The following FRS2 variants were observed in gnomAD, a reference collection of about 807,000 sequenced individuals.
The protein encoded by FRS2 is fibroblast growth factor receptor substrate 2.
FRS2 carries 8 observed loss-of-function variants against 43.9 expected under a neutral mutation model. That is an observed-to-expected ratio of 0.18 (90% CI 0.11 to 0.33). FRS2 has a LOEUF of 0.33. Among genes scored for constraint, FRS2 ranks in the 10% least tolerant of loss-of-function variants. The pLI is 1.00. For synonymous variants in FRS2, 219 were observed against 220.3 expected (o/e 0.99, Z 0.05); for missense variants, 534 against 627.6 (o/e 0.85, Z 1.59).
At chr12:69,527,364 T>A (rs987303862) in intron 1 of FRS2, among the ~76,000 whole-genome samples, 1 of 143,102 alleles carries the variant, frequency 7.0e-6, no homozygotes, top group East Asian at 2.0e-4. Context: ...TTTTTTTTTT[T>A]AAAGAGACAA....
chr12:69,486,956 CAT>C (rs1378873193), intron 1 of FRS2, among the ~76,000 whole-genome samples: 1 of 152,218 alleles, frequency 6.6e-6, no homozygotes, highest in Non-Finnish European at 1.5e-5. Flanking sequence ...ATCTATGTAA[CAT>C]AAAAGTGCAA....
intron 3 of FRS2, among the ~76,000 whole-genome samples, chr12:69,540,608 C>G (rs1877817100): frequency 6.6e-6 from 1 of 152,148 alleles, no homozygotes; most frequent in African/African-American, 2.4e-5. Flanking sequence ...TACAGAAGAA[C>G]TCCAAATAAT....
chr12:69,483,291 C>G (rs906308244), intron 1 of FRS2, among the ~76,000 whole-genome samples: 6 of 152,146 alleles, frequency 3.9e-5, no homozygotes, highest in Non-Finnish European at 7.4e-5. Flanking sequence ...ATACCACAAT[C>G]AAGATACAGA....
chr12:69,505,018 T>G (rs1334109112), intron 1 of FRS2, among the ~76,000 whole-genome samples: 1 of 152,030 alleles, frequency 6.6e-6, no homozygotes, highest in Non-Finnish European at 1.5e-5. Context: ...TGTATTGTAT[T>G]GTACTGTACT....
At position 69,517,929 on chromosome 12, in the gene FRS2, A is replaced by T. The variant is rs192271971; in HGVS notation, c.-260-12936A>T. 6.4e-4 allele frequency among the ~76,000 whole-genome samples: 97 copies of T among 152,278 alleles called. 1 individual carries two copies. Among genetic ancestry groups the T allele is most frequent in the Middle Eastern group, 3.4e-3 (1 of 292 alleles). Reference sequence around the variant, plus strand: ...AAATATGTTGTAATGTGGCAAATTTATAGGGCTTGTCTTTTTTCCTCTTCT... The same window carrying T: ...AAATATGTTGTAATGTGGCAAATTTTTAGGGCTTGTCTTTTTTCCTCTTCT... On this transcript the variant is annotated intron_variant, in intron 1 of 8. Transcript: ENST00000549921.
At chr12:69,482,497 A>T (rs1871434387) in intron 1 of FRS2, among the ~76,000 whole-genome samples, 1 of 152,198 alleles carries the variant, frequency 6.6e-6, no homozygotes, top group Non-Finnish European at 1.5e-5. Flanking sequence ...TTAAAATGTG[A>T]ATTCATCCAT....
chr12:69,527,553 G>C (rs933615188), intron 1 of FRS2, among the ~76,000 whole-genome samples: 1 of 151,752 alleles, frequency 6.6e-6, no homozygotes, highest in African/African-American at 2.4e-5. Context: ...GGGATTTGTC[G>C]TTAATAACTG....
At chr12:69,554,849 CA>C (rs943289965) in intron 3 of FRS2, among the ~76,000 whole-genome samples, 12 of 151,168 alleles carry the variant, frequency 7.9e-5, no homozygotes, top group African/African-American at 2.4e-4. Flanking sequence ...GGATTACAGG[CA>C]TTCGCCACCA....
Position 69,574,493 on chromosome 12 carries a change from G to T in FRS2, c.1065G>T (p.Leu355Phe). ...ALLNYENLPS[L>F]PPVWEARKLS... ...TAAACTATGAAAATCTACCATCTTT[G>T]CCTCCTGTTTGGGAAGCCCGCAAGC... Residue 355 changes from leucine (L) to phenylalanine (F), a missense_variant, in exon 9 of 9, where the codon TTG becomes TTT. Coordinates refer to ENST00000549921, the MANE Select transcript of FRS2 (RefSeq NM_001278356.2). The T allele has an allele frequency of 6.2e-7, 1 of 1,614,030 alleles. No homozygotes were observed. Among genetic ancestry groups the T allele is most frequent in the Non-Finnish European group, 8.5e-7 (1 of 1,179,970 alleles).
intron 3 of FRS2, among the ~76,000 whole-genome samples, chr12:69,546,773 C>G (rs568589466): frequency 1.1e-4 from 16 of 152,146 alleles, no homozygotes; most frequent in South Asian, 4.2e-4. Flanking sequence ...TATGCACTGT[C>G]GGTGAGAATA....
At chr12:69,514,052 CT>C (rs1321014596) in intron 1 of FRS2, among the ~76,000 whole-genome samples, 3 of 149,016 alleles carry the variant, frequency 2.0e-5, no homozygotes, top group Admixed American at 6.7e-5. Flanking sequence ...TGGAAAATTG[CT>C]TTTTTTTTTC....
At chr12:69,495,250 A>G (rs980934942) in intron 1 of FRS2, among the ~76,000 whole-genome samples, 12 of 152,260 alleles carry the variant, frequency 7.9e-5, no homozygotes, top group African/African-American at 2.9e-4. Context: ...AATAGCATTT[A>G]TAAATGCTAA....
At chr12:69,506,449 A>T (rs1214763184) in intron 1 of FRS2, among the ~76,000 whole-genome samples, 1 of 152,136 alleles carries the variant, frequency 6.6e-6, no homozygotes, top group Non-Finnish European at 1.5e-5. Flanking sequence ...TAGGCAGATA[A>T]ATTTGGGAAG....
intron 1 of FRS2, among the ~76,000 whole-genome samples, chr12:69,529,745 T>G (rs1359811944): frequency 6.6e-6 from 1 of 152,146 alleles, no homozygotes; most frequent in Non-Finnish European, 1.5e-5. Flanking sequence ...TAGCATGGAA[T>G]TCATTGTTTT....
chr12:69,572,068 T>C, intron 7 of FRS2, 50 bp from the exon 8 acceptor site: 4 of 1,466,912 alleles, frequency 2.7e-6, no homozygotes, highest in Non-Finnish European at 3.8e-6. Context: ...CTCATTTTTA[T>C]TCTCTCTGCC....
At position 69,577,268 on chromosome 12, in the gene FRS2, A is replaced by G. The variant is rs1373640350; in HGVS notation, c.*2313A>G. On this transcript the variant is annotated 3_prime_UTR_variant, in exon 9 of 9. Transcript: ENST00000549921. ...TGCTAAGAATTTGATTTTAGGTACT[A>G]TAAGAGTATTAGGAAAATATATACA... 6.6e-6 allele frequency: 1 copy of G among 152,176 alleles called. No homozygotes were observed. The highest frequency in any genetic ancestry group is 2.4e-5 in the African/African-American group (1 of 41,462). The allele number at this position is 152,176 out of a possible 1,614,324, so 9.4% of individuals were successfully genotyped here.
chr12:69,548,849 T>C (rs1805319412), intron 3 of FRS2, among the ~76,000 whole-genome samples: 1 of 152,140 alleles, frequency 6.6e-6, no homozygotes, highest in Non-Finnish European at 1.5e-5. Context: ...GTGAGAGAGC[T>C]GCCTAACAGG....
At chr12:69,533,882 T>A (rs1418575483) in intron 3 of FRS2, among the ~76,000 whole-genome samples, 1 of 152,164 alleles carries the variant, frequency 6.6e-6, no homozygotes, top group Non-Finnish European at 1.5e-5. Flanking sequence ...AGACACTGCT[T>A]TATTGTTAGA....
chr12:69,569,071 C>A lies in FRS2; in HGVS notation c.41C>A (p.Pro14Gln). 6.2e-7 allele frequency: 1 copy of A among 1,611,588 alleles called. No homozygotes were observed. Among genetic ancestry groups the A allele is most frequent in the Non-Finnish European group, 8.5e-7 (1 of 1,178,190 alleles). Residue 14 changes from proline (P) to glutamine (Q), a missense_variant, in exon 5 of 9, where the codon CCA becomes CAA. Transcript: ENST00000549921. Reference sequence around the variant, plus strand: ...AGCTGTCCAGATAAAGACACTGTCCCAGATAACCATCGGAACAAGTTTAAG... The same window carrying A: ...AGCTGTCCAGATAAAGACACTGTCCAAGATAACCATCGGAACAAGTTTAAG... ...CCSCPDKDTV[P>Q]DNHRNKFKVI... is the part of the protein sequence containing the mutation.
Sources: allele counts gnomAD v4.1 joint callset (sites outside exome capture counted in the v4.1 genomes callset), GRCh38; gene constraint gnomAD v4.1.1; transcripts MANE v1.5; gene names NCBI Gene and HGNC (gene_info 2026-07-23, HGNC 2026-07-21).